Variants in COL6A5 observed in about 807,000 individuals in gnomAD.
COL6A5 encodes the protein collagen alpha-5(VI) chain.
Under a neutral mutation model 65.6 loss-of-function variants are expected in COL6A5, and 48 were observed. The observed-to-expected ratio is 0.73, with a 90% CI of 0.58 to 0.93. The LOEUF is 0.93. Ranked by LOEUF, COL6A5 falls within the 40% of genes least tolerant of loss-of-function variation. The pLI, the probability that COL6A5 is intolerant of heterozygous loss-of-function variation, is 0.00. For synonymous variants in COL6A5, 291 were observed against 322.8 expected, an observed-to-expected ratio of 0.90 and a Z score of 1.05; for missense variants, 914 against 928.3, an observed-to-expected ratio of 0.98 and a Z score of 0.20.
At chr3:130,354,488 C>T (rs772025761) in intron 1 of COL6A5, among the ~76,000 whole-genome samples, 1 of 152,180 alleles carries the variant, frequency 6.6e-6, no homozygotes, top group Admixed American at 6.5e-5. Context: ...TTTCCGAGAA[C>T]CAACATTCTC....
chr3:130,446,377 G>A (rs1197214544), intron 4 of COL6A5, among the ~76,000 whole-genome samples: 1 of 152,132 alleles, frequency 6.6e-6, no homozygotes, highest in African/African-American at 2.4e-5. Context: ...GAGACAGAAA[G>A]TATAAGGAGG....
chr3:130,457,367 G>C (rs1278998231), intron 5 of COL6A5, among the ~76,000 whole-genome samples: 2 of 152,082 alleles, frequency 1.3e-5, no homozygotes, highest in Admixed American at 1.3e-4. Context: ...GGATATGAAA[G>C]AAATGAAGCA....
Position 130,384,775 on chromosome 3 carries a change from A to G in COL6A5, c.1301-29A>G, listed in dbSNP as rs999767460. ...TTGCAAAGTTCTCTCTAGGTTCTCT[A>G]ATTTACAGAGAATGCACTTCTTTTT... is the stretch of plus-strand genomic sequence containing the variant. On this transcript the variant is annotated intron_variant and NMD_transcript_variant, in intron 4 of 41. Transcript: ENST00000312481. The G allele has an allele frequency of 6.7e-6, 10 of 1,485,232 alleles. No individual in the cohort carries two copies. The East Asian group carries it at 1.7e-4, about 26-fold the overall frequency. The allele number at this position is 1,485,232 out of a possible 1,614,324, so 92.0% of individuals were successfully genotyped here.
chr3:130,397,428 A>G (rs149928802), intron 8 of COL6A5, among the ~76,000 whole-genome samples, 155 bp from the exon 9 acceptor site: 4,641 of 152,164 alleles, frequency 0.03, 92 homozygotes, highest in South Asian at 0.043. Context: ...ATATGTATAT[A>G]TATGATAAAG....
intron 27 of COL6A5, among the ~76,000 whole-genome samples, 195 bp from the exon 28 acceptor site, chr3:130,422,524 TA>T (rs1263881016): frequency 2.0e-5 from 3 of 151,890 alleles, no homozygotes; most frequent in Non-Finnish European, 2.9e-5. Context: ...ATTAAAAAAT[TA>T]AAAATAGTTT....
At position 130,389,018 on chromosome 3, in the gene COL6A5, A is replaced by G. The variant is rs916330970; in HGVS notation, c.2300A>G (p.Asn767Ser). The G allele has an allele frequency of 2.6e-6, 4 of 1,542,934 alleles. No homozygotes were observed. The highest frequency in any genetic ancestry group is 2.4e-5 in the East Asian group (1 of 40,854). The stretch of plus-strand genomic sequence containing the variant: ...TTCTCTGTAGGAGTATACAATGCCA[A>G]TAGATCTCAGCTAGAAGAGATCAGT... The change falls in exon 6 of 42, where the codon AAT (asparagine) becomes AGT (serine). Residue 767 changes from asparagine (N) to serine (S), a missense_variant and NMD_transcript_variant. By Grantham distance (46) the Asn-to-Ser change is conservative (BLOSUM62 1). Coordinates refer to the COL6A5 transcript ENST00000312481.
At chr3:130,384,168 G>A (rs77435007) in intron 4 of COL6A5, among the ~76,000 whole-genome samples, 4,427 of 152,074 alleles carry the variant, frequency 0.029, 93 homozygotes, top group Non-Finnish European at 0.044. Flanking sequence ...AAGAAGAGAG[G>A]AGGGCACATG....
intron 7 of COL6A5, among the ~76,000 whole-genome samples, chr3:130,480,669 C>T (rs536838893): frequency 6.6e-5 from 10 of 152,012 alleles, no homozygotes; most frequent in South Asian, 2.1e-4. Context: ...AAACTCATAA[C>T]GAAAAAAATA....
chr3:130,415,699 G>T, exon 23 of COL6A5: 1 of 1,547,982 alleles, frequency 6.5e-7, no homozygotes, highest in Non-Finnish European at 8.7e-7. Context: ...GGGGCAGAAA[G>T]GACCTCAGGT....
At chr3:130,455,123 C>G (rs527380269) in intron 4 of COL6A5, among the ~76,000 whole-genome samples, 21 of 150,932 alleles carry the variant, frequency 1.4e-4, no homozygotes, top group African/African-American at 4.9e-4. Flanking sequence ...CTGGGTGACC[C>G]TGTCTCAAAA....
intron 1 of COL6A5, among the ~76,000 whole-genome samples, chr3:130,348,349 C>A (rs1934579904): frequency 6.6e-6 from 1 of 152,190 alleles, no homozygotes; most frequent in Non-Finnish European, 1.5e-5. Context: ...GTTCAACTCC[C>A]ACTTATGAGT....
At chr3:130,465,337 T>C (rs1238946790) in intron 5 of COL6A5, among the ~76,000 whole-genome samples, 1 of 151,930 alleles carries the variant, frequency 6.6e-6, no homozygotes, top group African/African-American at 2.4e-5. Context: ...CAGGAAAGTA[T>C]TGACAGCACA....
exon 8 of COL6A5, chr3:130,484,242 C>T: frequency 1.8e-6 from 1 of 562,182 alleles, no homozygotes; most frequent in Admixed American, 3.4e-5. Context: ...GGAGTGAAGA[C>T]ATCAGTAAGA....
chr3:130,453,121 G>A (rs1007169553), intron 4 of COL6A5, among the ~76,000 whole-genome samples: 97 of 152,008 alleles, frequency 6.4e-4, no homozygotes, highest in African/African-American at 1.6e-3. Context: ...TCATCACAGC[G>A]TCCTGAGGTG....
chr3:130,380,539 A>G lies in COL6A5; in HGVS notation c.1300+489A>G, dbSNP rs534401357. Among the ~76,000 whole-genome samples the G allele has an allele frequency of 7.2e-5, 11 of 152,280 alleles. No individual in the cohort carries two copies. The South Asian group carries it at 1.9e-3, about 26-fold the overall frequency. ...TTAAAAATGATACCACATTGTATGT[A>G]TCAGTGCTGTCCAACAGCCCTTTCT... is the stretch of plus-strand genomic sequence containing the variant. On this transcript the variant is annotated intron_variant and NMD_transcript_variant, in intron 4 of 41. Coordinates refer to the COL6A5 transcript ENST00000312481.
Position 130,410,082 on chromosome 3 carries a change from G to C in COL6A5, c.4608+8G>C. 6 of 1,539,810 alleles carry C rather than the reference G, an allele frequency of 3.9e-6. No individual in the cohort carries two copies. Among genetic ancestry groups the C allele is most frequent in the Non-Finnish European group, 5.3e-6 (6 of 1,136,938 alleles). On this transcript the variant is annotated splice_region_variant and intron_variant and NMD_transcript_variant, in intron 19 of 41. Transcript: ENST00000312481. ...GGAGAACAAGGAAGACAAGTAATTT[G>C]ATCTGTTTTATCTATGAGTTGATTA...
At chr3:130,393,365 C>T (rs73000362) in intron 7 of COL6A5, among the ~76,000 whole-genome samples, 2,594 of 152,168 alleles carry the variant, frequency 0.017, 74 homozygotes, top group African/African-American at 0.058. Context: ...AACCTGACCC[C>T]GTGTCCCCAC....
chr3:130,410,536 T>C lies in COL6A5; in HGVS notation c.4662+12T>C. The C allele has an allele frequency of 1.3e-6, 2 of 1,548,932 alleles. No homozygotes were observed. Among genetic ancestry groups the C allele is most frequent in the South Asian group, 1.2e-5 (1 of 83,930 alleles). On this transcript the variant is annotated intron_variant and NMD_transcript_variant, in intron 20 of 41. Coordinates refer to the COL6A5 transcript ENST00000312481. ...CCAGAGGCAGCAGGGTAAGTATTTC[T>C]GTGGACATTTATTTCCCCTCCTTGC...
At chr3:130,433,968 A>G (rs569747530) in intron 1 of COL6A5, among the ~76,000 whole-genome samples, 1 of 147,466 alleles carries the variant, frequency 6.8e-6, no homozygotes, top group African/African-American at 2.4e-5. Context: ...CTTCTAAAAA[A>G]AAAAACAAAA....
Sources: gnomAD v4.1 joint callset for allele counts (sites outside exome capture counted in the v4.1 genomes callset) on GRCh38, gnomAD v4.1.1 for gene constraint, MANE v1.5 for transcripts, NCBI Gene and HGNC (gene_info 2026-07-23, HGNC 2026-07-21) for gene names.